The following RFX6 variants were observed in gnomAD, a reference collection of about 807,000 sequenced individuals.
RFX6 encodes DNA-binding protein RFX6.
In RFX6, 50 loss-of-function variants were observed where a neutral mutation model predicts 110.8. That is an observed-to-expected ratio of 0.45 (90% CI 0.36 to 0.57). The LOEUF (loss-of-function observed/expected upper bound fraction) is 0.57. Among genes scored for constraint, RFX6 ranks in the 20% least tolerant of loss-of-function variants. The pLI, the probability that RFX6 is intolerant of heterozygous loss-of-function variation, is 0.00. For synonymous variants in RFX6, 383 were observed against 411.2 expected, an observed-to-expected ratio of 0.93 and a Z score of 0.83; for missense variants, 990 against 1,127.0, an observed-to-expected ratio of 0.88 and a Z score of 1.74.
At chr6:116,921,564 C>T (rs1381872542) in intron 12 of RFX6, among the ~76,000 whole-genome samples, 2 of 152,078 alleles carry the variant, frequency 1.3e-5, no homozygotes, top group African/African-American at 2.4e-5. Flanking sequence ...ATTAAAATTT[C>T]GGGCACACTT....
In RFX6 at chr6:116,927,743, C is replaced by CTTTT. The variant is rs60638457; in HGVS notation, c.2398+220_2398+223dup. On this transcript the variant is annotated intron_variant, in intron 17 of 18. Coordinates refer to ENST00000332958, the MANE Select transcript of RFX6 (RefSeq NM_173560.4). ...GGCTTTCCTAAAGTTGCCCTTCTTC[C>CTTTT]TTTTTTTTTTTTTTTTTTTGAGACA... 0.18 allele frequency among the ~76,000 whole-genome samples: 21,834 copies of CTTTT among 118,964 alleles called. 2,230 individuals carry two copies. The highest frequency in any genetic ancestry group is 0.34 in the East Asian group (1,379 of 4,042). The allele number at this position is 118,964 out of a possible 152,430, so 78.0% of individuals were successfully genotyped here. A position where few individuals can be genotyped will look rare whatever the true frequency, so the allele number is the denominator to read the frequency against.
In RFX6 at chr6:116,919,269, A is replaced by G. The variant is rs765986374; in HGVS notation, c.1155A>G (p.Arg385=). The G allele has an allele frequency of 1.1e-5, 17 of 1,613,588 alleles. No homozygotes were observed. Among genetic ancestry groups the G allele is most frequent in the Non-Finnish European group, 1.4e-5 (16 of 1,179,616 alleles). Reference sequence around the variant, plus strand: ...GAAGATTTGTATCTTCTCTGAAACGACAAACATCTTTCTTACATCTTGCCC... The same window carrying G: ...GAAGATTTGTATCTTCTCTGAAACGGCAAACATCTTTCTTACATCTTGCCC... ...IVRRFVSSLK[R]QTSFLHLAQI... The change falls in exon 11 of 19, where the codon CGA becomes CGG. Residue 385 remains arginine, a synonymous_variant. Coordinates refer to ENST00000332958, the MANE Select transcript of RFX6 (RefSeq NM_173560.4).
intron 6 of RFX6, among the ~76,000 whole-genome samples, chr6:116,897,695 C>A (rs189132717): frequency 7.4e-4 from 112 of 152,200 alleles, no homozygotes; most frequent in Admixed American, 4.0e-3. Flanking sequence ...TCTGGATAGT[C>A]TGTGTAAGAG....
At chr6:116,891,955 G>A (rs1341576129) in intron 4 of RFX6, among the ~76,000 whole-genome samples, 3 of 151,684 alleles carry the variant, frequency 2.0e-5, no homozygotes, top group African/African-American at 7.3e-5. Flanking sequence ...TTTCTGTACT[G>A]TAAAAATGAG....
rs546359003 is a variant in RFX6, at chr6:116,923,787, G to A, written c.1555+563G>A. ...CTATATGACTTGGGAGACAAATAGG[G>A]TTAAGTTAGCTTTTTATAAAATTGA... On this transcript the variant is annotated intron_variant, in intron 14 of 18. Coordinates refer to ENST00000332958, the MANE Select transcript of RFX6 (RefSeq NM_173560.4). Among the ~76,000 whole-genome samples, 14 of 152,216 alleles carry A rather than the reference G, an allele frequency of 9.2e-5. No individual in the cohort carries two copies. In the South Asian group the frequency reaches 2.9e-3, roughly 32 times the overall value.
chr6:116,919,310 T>C lies in RFX6; in HGVS notation c.1182+14T>C, dbSNP rs747935133. 1 of 1,610,258 alleles carries C rather than the reference T, an allele frequency of 6.2e-7. No individual in the cohort carries two copies. The highest frequency in any genetic ancestry group is 1.3e-5 in the African/African-American group (1 of 74,938). ...CATCTTGCCCAGGTATGTTGGTTGC[T>C]AAGTCGAGAGCATTTGAGTCACCAT... On this transcript the variant is annotated intron_variant, in intron 11 of 18. Coordinates refer to ENST00000332958, the MANE Select transcript of RFX6 (RefSeq NM_173560.4).
chr6:116,928,712 T>A (rs1264508603), intron 17 of RFX6, 47 bp from the exon 18 acceptor site: 11 of 1,374,346 alleles, frequency 8.0e-6, no homozygotes, highest in Non-Finnish European at 1.1e-5. Context: ...TTCCTGAAAG[T>A]TCTTTGTAGT....
At chr6:116,893,009 A>G (rs1371961629) in intron 4 of RFX6, among the ~76,000 whole-genome samples, 1 of 152,120 alleles carries the variant, frequency 6.6e-6, no homozygotes, top group Non-Finnish European at 1.5e-5. Flanking sequence ...TTAAACTCAG[A>G]TGGTGGTGCT....
At chr6:116,931,307 T>G (rs1775878547) in intron 18 of RFX6, 24 bp from the exon 19 acceptor site, 1 of 1,568,288 alleles carries the variant, frequency 6.4e-7, no homozygotes. Flanking sequence ...AATTTTCAAT[T>G]GCTGATTATA....
intron 5 of RFX6, among the ~76,000 whole-genome samples, 182 bp downstream of exon 5, chr6:116,894,246 G>T (rs1009289269): frequency 6.6e-6 from 1 of 152,130 alleles, no homozygotes; most frequent in African/African-American, 2.4e-5. Flanking sequence ...TATATAACTT[G>T]TCATAATTAG....
chr6:116,895,255 A>G, intron 6 of RFX6, 48 bp downstream of exon 6: 2 of 1,031,334 alleles, frequency 1.9e-6, no homozygotes, highest in South Asian at 1.3e-5. Flanking sequence ...AATATGTCTT[A>G]CAAGCTGAGC....
At chr6:116,901,810 A>C (rs1775080504) in intron 6 of RFX6, among the ~76,000 whole-genome samples, 1 of 127,588 alleles carries the variant, frequency 7.8e-6, no homozygotes, top group African/African-American at 3.0e-5. Context: ...TATCTAGTGA[A>C]GTTGAAGATT....
chr6:116,897,452 G>GA (rs1774974986), intron 6 of RFX6, among the ~76,000 whole-genome samples: 2 of 151,868 alleles, frequency 1.3e-5, no homozygotes. Flanking sequence ...TCATGTTGTA[G>GA]AAAAAATAAA....
intron 6 of RFX6, among the ~76,000 whole-genome samples, chr6:116,899,428 T>A (rs1775020233): frequency 6.6e-6 from 1 of 152,170 alleles, no homozygotes; most frequent in African/African-American, 2.4e-5. Flanking sequence ...GTCTGCCACA[T>A]ATCAAAATAT....
At chr6:116,909,201 C>G (rs1267843989) in intron 6 of RFX6, among the ~76,000 whole-genome samples, 1 of 151,950 alleles carries the variant, frequency 6.6e-6, no homozygotes, top group African/African-American at 2.4e-5. Context: ...TGTGTATTAT[C>G]ATTTTGGGAG....
rs1035700633 is a variant in RFX6, at chr6:116,887,581, A to G, written c.566+5153A>G. On this transcript the variant is annotated intron_variant, in intron 4 of 18. Transcript: ENST00000332958. The stretch of plus-strand genomic sequence containing the variant: ...AATTGAGGTTTTGAATAAATAAAAA[A>G]TGAAACAAAGTTCTATAAGGATAAT... Among the ~76,000 whole-genome samples, 31 of 152,236 alleles carry G rather than the reference A, an allele frequency of 2.0e-4. 1 individual carries two copies. The highest frequency in any genetic ancestry group is 7.5e-4 in the African/African-American group (31 of 41,458).
chr6:116,909,300 A>G (rs1423561066), intron 6 of RFX6, among the ~76,000 whole-genome samples: 2 of 152,200 alleles, frequency 1.3e-5, no homozygotes, highest in Non-Finnish European at 2.9e-5. Context: ...GAAAAAATAT[A>G]TGAAAAGTGC....
rs371890425 is a variant in RFX6 at position 116,877,398 on chromosome 6, G to A, written c.123G>A (p.Pro41=). Residue 41 remains proline, a synonymous_variant, in exon 1 of 19, where the codon CCG becomes CCA. Transcript: ENST00000332958. The stretch of plus-strand genomic sequence containing the variant: ...TGGGCAAGGGCTTGCTAGTCTATCC[G>A]GAAGAAACAGTGTACCTGGCGGCCG... ...QLLGKGLLVY[P]EETVYLAAEG... is the part of the protein sequence containing the mutation. 161 of 1,607,408 alleles carry A rather than the reference G, an allele frequency of 1.0e-4. No homozygotes were observed. Among genetic ancestry groups the A allele is most frequent in the Middle Eastern group, 3.3e-4 (2 of 6,074 alleles).
intron 18 of RFX6, among the ~76,000 whole-genome samples, chr6:116,930,002 G>A (rs1474181207): frequency 6.6e-6 from 1 of 152,190 alleles, no homozygotes; most frequent in African/African-American, 2.4e-5. Context: ...TTACTCTAAT[G>A]AAGCAGAAAA....
Sources: allele counts gnomAD v4.1 joint callset (sites outside exome capture counted in the v4.1 genomes callset), GRCh38; gene constraint gnomAD v4.1.1; transcripts MANE v1.5; gene names NCBI Gene and HGNC (gene_info 2026-07-23, HGNC 2026-07-21).